Variants in VPS13A observed in about 807,000 individuals in gnomAD.
VPS13A encodes vacuolar protein sorting 13 homolog A.
In VPS13A, 264 loss-of-function variants were observed where a neutral mutation model predicts 390.9. The ratio of observed to expected loss-of-function variants is 0.68; its 90% CI spans 0.61 to 0.75. The LOEUF is 0.75. VPS13A is among the 30% of genes least tolerant of loss of function. VPS13A has a pLI of 0.00. For synonymous variants in VPS13A, 1,231 were observed against 1,227.1 expected, an observed-to-expected ratio of 1.00 and a Z score of -0.07; for missense variants, 3,409 against 3,733.9, an observed-to-expected ratio of 0.91 and a Z score of 2.27.
At chr9:77,288,863 GTTCT>G (rs111646256) in intron 31 of VPS13A, among the ~76,000 whole-genome samples, 18,518 of 152,042 alleles carry the variant, frequency 0.12, 1,263 homozygotes, top group African/African-American at 0.18. Context: ...TCTCCTTTCA[GTTCT>G]TTAAGTTTTT....
chr9:77,226,976 A>G lies in VPS13A; in HGVS notation c.1357+378A>G, dbSNP rs184360403. 5.3e-5 allele frequency among the ~76,000 whole-genome samples: 8 copies of G among 152,178 alleles called. No individual in the cohort carries two copies. The East Asian group carries it at 9.7e-4, about 18-fold the overall frequency. ...GCTTTGGAGGTTTAGAGACTTAGGT[A>G]TATGTTTTAGATCTATCACTTATTA... is the stretch of plus-strand genomic sequence containing the variant. On this transcript the variant is annotated intron_variant, in intron 15 of 71. Coordinates refer to ENST00000360280, the MANE Select transcript of VPS13A (RefSeq NM_033305.3).
intron 19 of VPS13A, among the ~76,000 whole-genome samples, chr9:77,244,402 T>C (rs1445440005): frequency 6.6e-6 from 1 of 152,152 alleles, no homozygotes; most frequent in Non-Finnish European, 1.5e-5. Context: ...TCTTGTGTCT[T>C]TCTGGTAATC....
chr9:77,225,914 T>G lies in VPS13A; in HGVS notation c.1162-12T>G. 6.2e-7 allele frequency: 1 copy of G among 1,603,290 alleles called. No homozygotes were observed. The highest frequency in any genetic ancestry group is 1.1e-5 in the South Asian group (1 of 90,648). ...TTTGTAAAGTTAACACATTTTTGTT[T>G]ATATTTTTCAGGAGTTGGAAAAAAC... On this transcript the variant is annotated splice_polypyrimidine_tract_variant and intron_variant, in intron 13 of 71. Transcript: ENST00000360280.
chr9:77,401,325 GAAGTTGTGTGT>G (rs1332040612), intron 68 of VPS13A, among the ~76,000 whole-genome samples: 1 of 128,614 alleles, frequency 7.8e-6, no homozygotes, highest in Non-Finnish European at 1.6e-5. Flanking sequence ...GGGATCACAT[GAAGTTGTGTGT>G]GTGTGTGTGT....
rs527345941 is a variant in VPS13A, at chr9:77,213,497, CTT to C, written c.696+199_696+200del. Among the ~76,000 whole-genome samples the C allele has an allele frequency of 0.059, 8,299 of 139,960 alleles. 307 individuals are homozygous for C. Among genetic ancestry groups the C allele is most frequent in the South Asian group, 0.13 (563 of 4,430 alleles). 91.8% of individuals were successfully genotyped at this position (139,960 alleles called of 152,430 possible). A position where few individuals can be genotyped will look rare whatever the true frequency, so the allele number is the denominator to read the frequency against. On this transcript the variant is annotated intron_variant, in intron 9 of 71. Transcript: ENST00000360280. ...CAAACATGAATACATACCCCCATAT[CTT>C]TTTTTTTTTTTTTTTGAGACAAGGT...
chr9:77,406,321 A>G (rs1211499164), intron 70 of VPS13A, among the ~76,000 whole-genome samples: 1 of 152,140 alleles, frequency 6.6e-6, no homozygotes, highest in African/African-American at 2.4e-5. Flanking sequence ...TGGCTTTTTA[A>G]ATATATTTTC....
intron 44 of VPS13A, among the ~76,000 whole-genome samples, chr9:77,322,562 A>G (rs1349965392): frequency 1.3e-5 from 2 of 151,542 alleles, no homozygotes; most frequent in Non-Finnish European, 3.0e-5. Context: ...ATTTTTATGG[A>G]TGGGATGGTA....
At chr9:77,405,108 T>C (rs1834539931) in intron 69 of VPS13A, among the ~76,000 whole-genome samples, 1 of 152,144 alleles carries the variant, frequency 6.6e-6, no homozygotes, top group South Asian at 2.1e-4. Context: ...AGACTTCTTA[T>C]AGACAGAAGG....
chr9:77,273,808 C>T (rs905935345), intron 24 of VPS13A, among the ~76,000 whole-genome samples: 5 of 152,076 alleles, frequency 3.3e-5, no homozygotes, highest in Admixed American at 6.5e-5. Flanking sequence ...GAGTCATCTT[C>T]CCTGGTACAG....
Position 77,321,605 on chromosome 9 carries a change from A to C in VPS13A, c.5689A>C (p.Ser1897Arg). Residue 1897 changes from serine (S) to arginine (R), a missense_variant, in exon 44 of 72, where the codon AGT (serine) becomes CGT (arginine). This residue lies in a region of VPS13A where 2,717 missense variants were observed against 2,917.4 expected (regional missense o/e 0.93). Coordinates refer to ENST00000360280, the MANE Select transcript of VPS13A (RefSeq NM_033305.3). The stretch of plus-strand genomic sequence containing the variant: ...TTCTGTTTCGCCAAGTGATTCTTTT[A>C]GTGTACTCAACATTCCTATGGCAAA... The part of the protein sequence containing the change: ...TISVSPSDSF[S>R]VLNIPMAKSY... 6.2e-7 allele frequency: 1 copy of C among 1,613,436 alleles called. No individual in the cohort carries two copies. Among genetic ancestry groups the C allele is most frequent in the Non-Finnish European group, 8.5e-7 (1 of 1,179,602 alleles).
intron 44 of VPS13A, 126 bp from the exon 45 acceptor site, chr9:77,322,941 C>T: frequency 1.3e-6 from 1 of 752,350 alleles, no homozygotes; most frequent in Middle Eastern, 4.0e-4. Flanking sequence ...TGGACTATAT[C>T]CAAAGACTCT....
chr9:77,201,654 A>G (rs1315439141), intron 3 of VPS13A, among the ~76,000 whole-genome samples: 1 of 152,156 alleles, frequency 6.6e-6, no homozygotes, highest in Non-Finnish European at 1.5e-5. Context: ...AGTTAATTCA[A>G]AGGATTACCT....
At position 77,416,151 on chromosome 9, in the gene VPS13A, C is replaced by T. The variant is rs1587743905; in HGVS notation, c.*145C>T. ...TAAAAAACAAAAACAAACAAAAAAA[C>T]AAAAACAAAAAAACAAAACCAGAAT... On this transcript the variant is annotated 3_prime_UTR_variant, in exon 72 of 72. Coordinates refer to ENST00000360280, the MANE Select transcript of VPS13A (RefSeq NM_033305.3). 2.0e-6 allele frequency: 2 copies of T among 993,056 alleles called. No individual in the cohort carries two copies. Among genetic ancestry groups the T allele is most frequent in the Non-Finnish European group, 3.0e-6 (2 of 658,952 alleles). The allele number at this position is 993,056 out of a possible 1,614,324, so 61.5% of individuals were successfully genotyped here.
intron 5 of VPS13A, among the ~76,000 whole-genome samples, chr9:77,207,233 AT>A (rs1564630243): frequency 0.04 from 4,301 of 106,764 alleles, 543 homozygotes; most frequent in South Asian, 0.058. Flanking sequence ...ATATATATAT[AT>A]ATATATATAT....
intron 68 of VPS13A, among the ~76,000 whole-genome samples, chr9:77,391,821 G>C (rs1371530930): frequency 3.9e-5 from 6 of 152,116 alleles, no homozygotes; most frequent in Non-Finnish European, 8.8e-5. Flanking sequence ...AATTTTTGCT[G>C]GCTTTATTTG....
At chr9:77,259,137 G>C (rs1360396408) in intron 22 of VPS13A, among the ~76,000 whole-genome samples, 1 of 152,118 alleles carries the variant, frequency 6.6e-6, no homozygotes, top group Non-Finnish European at 1.5e-5. Flanking sequence ...AAGTGGATAT[G>C]ATATGTCAAA....
At chr9:77,232,398 A>G (rs1457318285) in intron 17 of VPS13A, among the ~76,000 whole-genome samples, 2 of 152,206 alleles carry the variant, frequency 1.3e-5, no homozygotes, top group Non-Finnish European at 2.9e-5. Flanking sequence ...AACATGGGAT[A>G]TCTTTCCATT....
At chr9:77,352,925 A>G (rs1831551021) in intron 53 of VPS13A, among the ~76,000 whole-genome samples, 1 of 152,098 alleles carries the variant, frequency 6.6e-6, no homozygotes, top group African/African-American at 2.4e-5. Context: ...CAGCACATTT[A>G]TGTGAGATTC....
chr9:77,290,472 C>A (rs558023635), intron 31 of VPS13A, among the ~76,000 whole-genome samples: 1 of 152,016 alleles, frequency 6.6e-6, no homozygotes, highest in Non-Finnish European at 1.5e-5. Context: ...CAAATAGTTT[C>A]TTTGCCTCTG....
Sources: gnomAD v4.1 joint callset for allele counts (sites outside exome capture counted in the v4.1 genomes callset) on GRCh38, gnomAD v4.1.1 for gene constraint, gnomAD v4.1.1 regional missense constraint, MANE v1.5 for transcripts, NCBI Gene and HGNC (gene_info 2026-07-23, HGNC 2026-07-21) for gene names.